Variants in VPS13B observed in about 807,000 individuals in gnomAD.
VPS13B encodes the protein vacuolar protein sorting 13 homolog B.
VPS13B carries 285 observed loss-of-function variants against 426.4 expected under a neutral mutation model. That is an observed-to-expected ratio of 0.67 (90% CI 0.61 to 0.74). VPS13B has a LOEUF of 0.74. Among genes scored for constraint, VPS13B ranks in the 30% least tolerant of loss-of-function variants. The pLI, the probability that VPS13B is intolerant of heterozygous loss-of-function variation, is 0.00. For missense variants in VPS13B, 4,537 were observed against 4,782.6 expected, an observed-to-expected ratio of 0.95 and a Z score of 1.51; for synonymous variants, 1,676 against 1,676.4, an observed-to-expected ratio of 1.00 and a Z score of 0.01.
intron 17 of VPS13B, among the ~76,000 whole-genome samples, chr8:99,202,513 G>C (rs541451044): frequency 6.6e-6 from 1 of 152,214 alleles, no homozygotes; most frequent in Non-Finnish European, 1.5e-5. Context: ...TCAAATCCAT[G>C]AATAGACCCA....
At chr8:99,312,480 A>T (rs1377549202) in intron 19 of VPS13B, among the ~76,000 whole-genome samples, 7 of 152,164 alleles carry the variant, frequency 4.6e-5, no homozygotes, top group Non-Finnish European at 2.9e-5. Flanking sequence ...TTTCTTTAAG[A>T]ATGTTGAATA....
chr8:99,271,227 CTACTACTACT>C (rs1563639144), intron 17 of VPS13B, among the ~76,000 whole-genome samples: 1 of 150,852 alleles, frequency 6.6e-6, no homozygotes, highest in Non-Finnish European at 1.5e-5. Context: ...ACTACTACTA[CTACTACTACT>C]ACTACTACTA....
intron 39 of VPS13B, among the ~76,000 whole-genome samples, chr8:99,738,644 T>C (rs1833939728): frequency 6.6e-6 from 1 of 152,246 alleles, no homozygotes. Flanking sequence ...CTTACATTTT[T>C]TTCCAGGCAA....
At chr8:99,583,094 A>G (rs1588518070) in intron 33 of VPS13B, among the ~76,000 whole-genome samples, 1 of 152,192 alleles carries the variant, frequency 6.6e-6, no homozygotes, top group Admixed American at 6.5e-5. Context: ...CTTATCGAAT[A>G]GCATCACCTC....
intron 40 of VPS13B, among the ~76,000 whole-genome samples, chr8:99,770,858 C>T (rs1209234438): frequency 6.6e-6 from 1 of 152,088 alleles, no homozygotes; most frequent in Non-Finnish European, 1.5e-5. Context: ...AGAGAGCAAA[C>T]AGAAGACATC....
intron 19 of VPS13B, among the ~76,000 whole-genome samples, chr8:99,295,748 G>C (rs552992265): frequency 5.3e-4 from 80 of 152,124 alleles, no homozygotes; most frequent in Non-Finnish European, 1.0e-3. Context: ...GAAGTAGAAG[G>C]CCAGGCGCAA....
chr8:99,789,268 T>C (rs762016713), intron 43 of VPS13B, among the ~76,000 whole-genome samples: 3 of 152,190 alleles, frequency 2.0e-5, no homozygotes, highest in Non-Finnish European at 4.4e-5. Context: ...ATAATGCATG[T>C]ATACATATAT....
At position 99,431,596 on chromosome 8, in the gene VPS13B, A is replaced by C; in HGVS notation, c.3142A>C (p.Ser1048Arg). 1 of 1,613,564 alleles carries C rather than the reference A, an allele frequency of 6.2e-7. No homozygotes were observed. Among genetic ancestry groups the C allele is most frequent in the Non-Finnish European group, 8.5e-7 (1 of 1,179,738 alleles). The change falls in exon 22 of 62, where the codon AGT (serine) becomes CGT (arginine). Residue 1048 changes from serine (S) to arginine (R), a missense_variant. By Grantham distance (110) the Ser-to-Arg change is moderately radical. Transcript: ENST00000357162. The stretch of plus-strand genomic sequence containing the variant: ...GTTGAATATATCTGAAAGCTGTAGA[A>C]GTCCTGAAGAAAGAATGAAGGAATT... The part of the protein sequence containing the change: ...AMLNISESCR[S>R]PEERMKEFIG...
intron 44 of VPS13B, among the ~76,000 whole-genome samples, chr8:99,813,504 T>C (rs1424791463): frequency 6.6e-6 from 1 of 152,246 alleles, no homozygotes; most frequent in African/African-American, 2.4e-5. Context: ...GGCAATGCTA[T>C]GGCATCATAA....
chr8:99,044,076 C>CTTTTTTTTTTTTT (rs1843091603), intron 3 of VPS13B, among the ~76,000 whole-genome samples: 1 of 106,398 alleles, frequency 9.4e-6, no homozygotes, highest in Admixed American at 9.5e-5. Context: ...TTTTTTTTTT[C>CTTTTTTTTTTTTT]TTTCTTTCTT....
At chr8:99,478,447 G>GTTTTGTT (rs1819822769) in intron 24 of VPS13B, among the ~76,000 whole-genome samples, 5 of 85,776 alleles carry the variant, frequency 5.8e-5, no homozygotes, top group South Asian at 3.7e-4. Flanking sequence ...TTTTTGTTTT[G>GTTTTGTT]TTTTTTTTTT....
chr8:99,181,547 A>G (rs1435948418), intron 16 of VPS13B, among the ~76,000 whole-genome samples: 1 of 152,186 alleles, frequency 6.6e-6, no homozygotes, highest in Non-Finnish European at 1.5e-5. Context: ...CTTAATTCTT[A>G]CCTTCGAGTT....
intron 3 of VPS13B, among the ~76,000 whole-genome samples, chr8:99,052,984 T>G (rs1843641763): frequency 6.6e-6 from 1 of 152,138 alleles, no homozygotes; most frequent in Non-Finnish European, 1.5e-5. Flanking sequence ...AAACACCAGC[T>G]GCTGGATTCA....
intron 16 of VPS13B, among the ~76,000 whole-genome samples, chr8:99,181,088 G>A (rs1046930013): frequency 6.6e-6 from 1 of 152,012 alleles, no homozygotes; most frequent in Non-Finnish European, 1.5e-5. Flanking sequence ...ATAATTAAGC[G>A]AATGACCAAT....
At chr8:99,709,270 G>A (rs1832618448) in intron 36 of VPS13B, among the ~76,000 whole-genome samples, 1 of 152,154 alleles carries the variant, frequency 6.6e-6, no homozygotes, top group Non-Finnish European at 1.5e-5. Flanking sequence ...TCTTTCTAAT[G>A]ATGCATAGAA....
intron 51 of VPS13B, among the ~76,000 whole-genome samples, chr8:99,831,076 C>CTTTTTTTTTTTTTTTTTTT (rs773817774): frequency 2.5e-5 from 3 of 120,080 alleles, no homozygotes; most frequent in Non-Finnish European, 3.4e-5. Flanking sequence ...GTGTTTTTTT[C>CTTTTTTTTTTTTTTTTTTT]TTTTTTTTTT....
At chr8:99,496,778 C>T (rs1021394302) in intron 25 of VPS13B, among the ~76,000 whole-genome samples, 13 of 152,038 alleles carry the variant, frequency 8.6e-5, no homozygotes, top group Admixed American at 7.2e-4. Context: ...ACCTGTATGT[C>T]TTTGGGAAAC....
intron 36 of VPS13B, among the ~76,000 whole-genome samples, chr8:99,714,343 T>C (rs1346956097): frequency 6.6e-6 from 1 of 152,142 alleles, no homozygotes; most frequent in Non-Finnish European, 1.5e-5. Context: ...AAGGGACAGC[T>C]GTAGTATATG....
chr8:99,599,455 C>T (rs1588535838), intron 33 of VPS13B, among the ~76,000 whole-genome samples: 2 of 152,042 alleles, frequency 1.3e-5, no homozygotes, highest in African/African-American at 4.8e-5. Flanking sequence ...CTAGGAAAAT[C>T]GGTTCTAACT....
Sources: allele counts gnomAD v4.1 joint callset (sites outside exome capture counted in the v4.1 genomes callset), GRCh38; gene constraint gnomAD v4.1.1; transcripts MANE v1.5; gene names NCBI Gene and HGNC (gene_info 2026-07-23, HGNC 2026-07-21).